BMP5: variants seen among roughly 807,000 people sequenced by gnomAD.
BMP5 encodes the protein bone morphogenetic protein 5.
BMP5 carries 23 observed loss-of-function variants against 46.6 expected under a neutral mutation model. The ratio of observed to expected loss-of-function variants is 0.49; its 90% confidence interval spans 0.35 to 0.70. BMP5 has a LOEUF of 0.70. Ranked by LOEUF, BMP5 falls within the 30% of genes least tolerant of loss-of-function variation. The probability of loss-of-function intolerance (pLI) is 0.00; values close to 1 mark genes in which losing one functional copy is unlikely to be tolerated. For missense variants in BMP5, 545 were observed against 565.6 expected (o/e 0.96, Z 0.37); for synonymous variants, 204 against 191.9 (o/e 1.06, Z -0.52).
At chr6:55,855,169 A>C (rs964931157) in intron 1 of BMP5, among the ~76,000 whole-genome samples, 1 of 152,104 alleles carries the variant, frequency 6.6e-6, no homozygotes. Context: ...TGCGTGGGGC[A>C]TGCTGGCTCA....
Position 55,794,319 on chromosome 6 carries a change from C to T in BMP5, c.792G>A (p.Gln264=), listed in dbSNP as rs1458731408. 6.2e-7 allele frequency: 1 copy of T among 1,614,018 alleles called. No individual in the cohort carries two copies. Among genetic ancestry groups the T allele is most frequent in the South Asian group, 1.1e-5 (1 of 91,078 alleles). Residue 264 remains glutamine (Q), a synonymous_variant, in exon 3 of 7, where the codon CAG becomes CAA. Transcript: ENST00000370830. ...CACAGAGCTGTAAGCCCAAATTATT[C>T]TGGGGATTAATCACCCAATGATTGC... ...VTSNHWVINP[Q]NNLGLQLCAE... is the part of the protein sequence containing the mutation.
chr6:55,799,632 T>C (rs552177207), intron 2 of BMP5, among the ~76,000 whole-genome samples: 25 of 152,324 alleles, frequency 1.6e-4, no homozygotes, highest in Admixed American at 9.2e-4. Flanking sequence ...ATCTTCCTTG[T>C]GTAAGAGCAG....
Position 55,819,750 on chromosome 6 carries a change from A to G in BMP5, c.588T>C (p.Ala196=), listed in dbSNP as rs370331552. The G allele has an allele frequency of 1.2e-6, 2 of 1,613,768 alleles. No individual in the cohort carries two copies. Among genetic ancestry groups the G allele is most frequent in the Non-Finnish European group, 1.7e-6 (2 of 1,179,754 alleles). The part of the protein sequence containing the change: ...QIPHGEAVTA[A]EFRIYKDRSN... ...TCCGGTCCTTGTATATCCGGAATTCAGCTGCTGTCACTGCCTCTCCATGAG... is the reference window on the plus strand; with the variant it reads ...TCCGGTCCTTGTATATCCGGAATTCGGCTGCTGTCACTGCCTCTCCATGAG... Residue 196 remains alanine, a synonymous_variant, in exon 2 of 7, where the codon GCT becomes GCC. Coordinates refer to ENST00000370830, the MANE Select transcript of BMP5 (RefSeq NM_021073.4).
At chr6:55,777,729 AT>A (rs1252922969) in intron 3 of BMP5, among the ~76,000 whole-genome samples, 4 of 151,958 alleles carry the variant, frequency 2.6e-5, no homozygotes, top group African/African-American at 9.6e-5. Context: ...CTGCAGTGAT[AT>A]TTTTTTAAGT....
chr6:55,806,947 T>C (rs191820585), intron 2 of BMP5, among the ~76,000 whole-genome samples: 73 of 152,294 alleles, frequency 4.8e-4, no homozygotes, highest in Non-Finnish European at 7.9e-4. Flanking sequence ...GGAAGTTGCT[T>C]ATCAACTTAA....
intron 1 of BMP5, among the ~76,000 whole-genome samples, chr6:55,862,860 A>C (rs1170366690): frequency 6.6e-6 from 1 of 152,170 alleles, no homozygotes; most frequent in Non-Finnish European, 1.5e-5. Flanking sequence ...AAAGGCTTCC[A>C]TAGGTTCTGT....
intron 5 of BMP5, 58 bp from the exon 6 acceptor site, chr6:55,759,173 AAAAAAAAAAAC>A (rs1774698226): frequency 4.8e-5 from 40 of 839,420 alleles, no homozygotes; most frequent in African/African-American, 3.3e-4. Flanking sequence ...AAAAAAAAAA[AAAAAAAAAAAC>A]AACAAGAAAA....
intron 4 of BMP5, among the ~76,000 whole-genome samples, chr6:55,768,267 T>A (rs1774965160): frequency 1.3e-5 from 2 of 151,938 alleles, no homozygotes; most frequent in Admixed American, 1.3e-4. Context: ...TCAATTTTAG[T>A]AACTATGCAT....
intron 1 of BMP5, among the ~76,000 whole-genome samples, chr6:55,847,036 C>T (rs1249450803): frequency 2.6e-5 from 4 of 151,782 alleles, no homozygotes; most frequent in East Asian, 3.9e-4. Flanking sequence ...CAGCAAGGGG[C>T]CCAGACCAGT....
intron 6 of BMP5, among the ~76,000 whole-genome samples, 194 bp downstream of exon 6, chr6:55,758,811 A>G (rs1019754520): frequency 6.6e-6 from 1 of 151,868 alleles, no homozygotes; most frequent in African/African-American, 2.4e-5. Flanking sequence ...TCCATTGTGT[A>G]ACTGGGATTA....
intron 1 of BMP5, among the ~76,000 whole-genome samples, chr6:55,851,537 T>C (rs954795768): frequency 1.3e-5 from 2 of 152,162 alleles, no homozygotes; most frequent in Non-Finnish European, 2.9e-5. Context: ...GGAATATTAC[T>C]AGAACATTTC....
At chr6:55,807,160 G>A (rs1776010816) in intron 2 of BMP5, among the ~76,000 whole-genome samples, 1 of 152,170 alleles carries the variant, frequency 6.6e-6, no homozygotes, top group African/African-American at 2.4e-5. Context: ...TTTTTAAAGG[G>A]AATGCTTCCA....
intron 1 of BMP5, among the ~76,000 whole-genome samples, chr6:55,867,721 A>G (rs1487998005): frequency 2.0e-5 from 3 of 152,096 alleles, no homozygotes; most frequent in Non-Finnish European, 4.4e-5. Context: ...TTGCATTTTC[A>G]TTTGCATCAG....
intron 1 of BMP5, among the ~76,000 whole-genome samples, chr6:55,828,822 CAAAT>C (rs1453504761): frequency 2.0e-5 from 3 of 151,598 alleles, no homozygotes; most frequent in Non-Finnish European, 3.0e-5. Context: ...GCTGAACAAA[CAAAT>C]AAATATCTGA....
intron 4 of BMP5, among the ~76,000 whole-genome samples, chr6:55,768,035 T>G (rs1302897855): frequency 1.3e-5 from 2 of 151,966 alleles, no homozygotes; most frequent in Admixed American, 6.6e-5. Context: ...ATGTATGGAT[T>G]AGGTAAACAA....
At chr6:55,806,286 T>C (rs1327651588) in intron 2 of BMP5, among the ~76,000 whole-genome samples, 2 of 152,334 alleles carry the variant, frequency 1.3e-5, no homozygotes, top group South Asian at 2.1e-4. Flanking sequence ...TTTCTGCATA[T>C]GGCTAGCCAG....
chr6:55,841,916 CAGAGAGAGAGAGAG>C (rs143400522), intron 1 of BMP5, among the ~76,000 whole-genome samples: 1 of 146,844 alleles, frequency 6.8e-6, no homozygotes, highest in African/African-American at 2.5e-5. Flanking sequence ...GAGAGAGAGA[CAGAGAGAGAGAGAG>C]AGAGAGAGAG....
At chr6:55,762,675 A>T (rs1039348671) in intron 4 of BMP5, among the ~76,000 whole-genome samples, 2 of 152,178 alleles carry the variant, frequency 1.3e-5, no homozygotes, top group Non-Finnish European at 2.9e-5. Context: ...CGTGTTTAGA[A>T]AAAGAAATAA....
intron 2 of BMP5, among the ~76,000 whole-genome samples, chr6:55,804,637 G>A (rs1292966487): frequency 6.6e-6 from 1 of 152,076 alleles, no homozygotes; most frequent in Non-Finnish European, 1.5e-5. Context: ...TATAAGATCT[G>A]GTAAAGAGGA....
Sources: gnomAD v4.1 joint callset for allele counts (sites outside exome capture counted in the v4.1 genomes callset) on GRCh38, gnomAD v4.1.1 for gene constraint, MANE v1.5 for transcripts, NCBI Gene and HGNC (gene_info 2026-07-23, HGNC 2026-07-21) for gene names.